ANO6: variants seen among roughly 807,000 people sequenced by gnomAD.
ANO6 encodes anoctamin 6.
Under a neutral mutation model 117.5 loss-of-function variants are expected in ANO6, and 106 were observed. That is an observed-to-expected ratio of 0.90 (90% confidence interval 0.77 to 1.06). The LOEUF (loss-of-function observed/expected upper bound fraction) is 1.06, where lower values mean the gene tolerates loss of function less well. Among genes scored for constraint, ANO6 ranks in the 50% least tolerant of loss-of-function variants. The probability of loss-of-function intolerance (pLI) is 0.00; values close to 1 mark genes in which losing one functional copy is unlikely to be tolerated. For synonymous variants in ANO6, 367 were observed against 385.1 expected (o/e 0.95, Z 0.55); for missense variants, 955 against 1,121.1 (o/e 0.85, Z 2.12).
At chr12:45,413,147 G>T (rs1943128517) in intron 16 of ANO6, among the ~76,000 whole-genome samples, 1 of 152,180 alleles carries the variant, frequency 6.6e-6, no homozygotes, top group Non-Finnish European at 1.5e-5. Flanking sequence ...CATTTATGTG[G>T]AATAAGATCA....
At chr12:45,291,346 CAAAAAA>C (rs747924513) in intron 1 of ANO6, among the ~76,000 whole-genome samples, 56 of 48,238 alleles carry the variant, frequency 1.2e-3, no homozygotes, top group Admixed American at 2.3e-3. Context: ...AACTCCGTCT[CAAAAAA>C]AAAAAAAAAA....
chr12:45,225,829 T>C (rs1448013911), intron 1 of ANO6, among the ~76,000 whole-genome samples: 1 of 152,218 alleles, frequency 6.6e-6, no homozygotes, highest in African/African-American at 2.4e-5. Flanking sequence ...GCTGTCTGAT[T>C]ATAATGAATT....
chr12:45,240,807 T>C (rs1039392222), intron 1 of ANO6, among the ~76,000 whole-genome samples: 2 of 152,192 alleles, frequency 1.3e-5, no homozygotes, highest in African/African-American at 4.8e-5. Flanking sequence ...CCTTCACTTA[T>C]GAAGCTTAGT....
At chr12:45,323,879 C>T (rs1364180861) in intron 2 of ANO6, among the ~76,000 whole-genome samples, 2 of 144,080 alleles carry the variant, frequency 1.4e-5, no homozygotes, top group Admixed American at 6.9e-5. Context: ...TATTTACTAT[C>T]TATAGTCAGC....
At chr12:45,302,625 G>A (rs973447095) in intron 2 of ANO6, among the ~76,000 whole-genome samples, 4 of 152,142 alleles carry the variant, frequency 2.6e-5, no homozygotes, top group African/African-American at 9.7e-5. Context: ...TTAAAGATTA[G>A]CCATGGTTCC....
At chr12:45,363,510 G>A (rs1432935267) in intron 8 of ANO6, among the ~76,000 whole-genome samples, 1 of 151,522 alleles carries the variant, frequency 6.6e-6, no homozygotes, top group African/African-American at 2.4e-5. Context: ...GTTGCAGGGA[G>A]CCGAAGTCAC....
At chr12:45,366,694 T>A (rs1389879394) in intron 8 of ANO6, among the ~76,000 whole-genome samples, 1 of 152,222 alleles carries the variant, frequency 6.6e-6, no homozygotes, top group East Asian at 1.9e-4. Context: ...AAATGGGAGA[T>A]AACTAATATC....
chr12:45,354,788 G>A (rs1941369015), intron 7 of ANO6, among the ~76,000 whole-genome samples: 1 of 152,176 alleles, frequency 6.6e-6, no homozygotes, highest in African/African-American at 2.4e-5. Context: ...ACTTGATTCA[G>A]CTGTGAATAG....
chr12:45,276,461 GC>G (rs1268022600), intron 1 of ANO6, among the ~76,000 whole-genome samples: 6 of 152,018 alleles, frequency 3.9e-5, no homozygotes, highest in Non-Finnish European at 8.8e-5. Context: ...GATACTTTCT[GC>G]TTCAGAACTA....
At chr12:45,293,843 A>G (rs1939200094) in intron 1 of ANO6, among the ~76,000 whole-genome samples, 1 of 142,538 alleles carries the variant, frequency 7.0e-6, no homozygotes, top group Non-Finnish European at 1.5e-5. Flanking sequence ...TCGGCCTCCC[A>G]AAGTGCTGGG....
At chr12:45,253,760 C>T (rs569222562) in intron 1 of ANO6, among the ~76,000 whole-genome samples, 2 of 152,212 alleles carry the variant, frequency 1.3e-5, no homozygotes, top group Admixed American at 6.5e-5. Flanking sequence ...TCCCAGCTTG[C>T]TGATGTCATG....
Position 45,270,654 on chromosome 12 carries a change from GTTGAA to G in ANO6, c.71-31354_71-31350del, listed in dbSNP as rs979668580. The G allele has an allele frequency of 1.6e-5, 7 of 450,240 alleles. No homozygotes were observed. In the Admixed American group the frequency reaches 1.7e-4, roughly 11 times the overall value. The allele number at this position is 450,240 out of a possible 1,614,324, so 27.9% of individuals were successfully genotyped here. ...AGTAGTGGGGTTTCAGATAATATTTGTTGAATTGAAGTTCTGTAACTTTTTATTCC... is the reference window on the plus strand; with the variant it reads ...AGTAGTGGGGTTTCAGATAATATTTGTTGAAGTTCTGTAACTTTTTATTCC... On this transcript the variant is annotated intron_variant, in intron 1 of 19. Transcript: ENST00000320560.
chr12:45,313,273 T>G (rs1220179919), intron 2 of ANO6: 5 of 152,060 alleles, frequency 3.3e-5, no homozygotes, highest in African/African-American at 1.2e-4. Flanking sequence ...ACCCTGTTTT[T>G]CCATGCAACC....
intron 11 of ANO6, among the ~76,000 whole-genome samples, chr12:45,388,704 C>T (rs1389076351): frequency 6.6e-6 from 1 of 152,152 alleles, no homozygotes; most frequent in Non-Finnish European, 1.5e-5. Context: ...TCATCCTAGA[C>T]CAGCTGCCCC....
intron 8 of ANO6, 86 bp from the exon 9 acceptor site, chr12:45,367,602 G>A (rs564256811): frequency 4.3e-5 from 46 of 1,064,582 alleles, no homozygotes; most frequent in Admixed American, 6.1e-5. Flanking sequence ...GATCGGTTTA[G>A]TTTTGTTTCT....
At chr12:45,377,936 C>A in intron 9 of ANO6, 117 bp from the exon 10 acceptor site, 2 of 912,756 alleles carry the variant, frequency 2.2e-6, no homozygotes, top group African/African-American at 1.6e-5. Flanking sequence ...GATTGTTAAA[C>A]TAGGCATCAC....
At position 45,263,183 on chromosome 12, in the gene ANO6, C is replaced by T. The variant is rs990901564; in HGVS notation, c.71-38831C>T. 2.0e-5 allele frequency among the ~76,000 whole-genome samples: 3 copies of T among 151,770 alleles called. No individual in the cohort carries two copies. The South Asian group carries it at 6.3e-4, about 32-fold the overall frequency. On this transcript the variant is annotated intron_variant, in intron 1 of 19. Transcript: ENST00000320560. Reference sequence around the variant, plus strand: ...CTTGAGAAGTGAAATTACTGGGGCACGCATTCTAACAGGGGCCGGTACAAG... The same window carrying T: ...CTTGAGAAGTGAAATTACTGGGGCATGCATTCTAACAGGGGCCGGTACAAG...
chr12:45,317,107 T>TTATGTGTGTGTGTATATATATATA (rs1185224135), intron 2 of ANO6, among the ~76,000 whole-genome samples: 6 of 12,464 alleles, frequency 4.8e-4, no homozygotes, highest in Non-Finnish European at 4.0e-3. Context: ...TGGATTCTTT[T>TTATGTGTGTGTGTATATATATATA]TATATGTATA....
chr12:45,414,022 T>C (rs1943152774), intron 16 of ANO6, among the ~76,000 whole-genome samples: 2 of 151,888 alleles, frequency 1.3e-5, no homozygotes, highest in South Asian at 2.1e-4. Flanking sequence ...ATCACAAAAA[T>C]CAGGACTGAA....
Sources: gnomAD v4.1 joint callset for allele counts (sites outside exome capture counted in the v4.1 genomes callset) on GRCh38, gnomAD v4.1.1 for gene constraint, MANE v1.5 for transcripts, NCBI Gene and HGNC (gene_info 2026-07-23, HGNC 2026-07-21) for gene names.